Variants in PABIR3 observed in about 807,000 individuals in gnomAD.
PABIR3 encodes the protein PABIR family member 3.
In PABIR3, 20 loss-of-function variants were observed where a neutral mutation model predicts 23.1. The observed-to-expected ratio is 0.86, with a 90% CI of 0.61 to 1.26. The LOEUF (loss-of-function observed/expected upper bound fraction) is 1.26. Among genes scored for constraint, PABIR3 ranks in the 50% most tolerant of loss-of-function variants. PABIR3 has a pLI of 0.00. For missense variants in PABIR3, 189 were observed against 195.4 expected (o/e 0.97, Z 0.20); for synonymous variants, 69 against 68.5 (o/e 1.01, Z -0.04).
intron 3 of PABIR3, among the ~76,000 whole-genome samples, chrX:134,827,504 T>A (rs1200863388): frequency 9.0e-6 from 1 of 111,211 alleles, no homozygotes; most frequent in Admixed American, 9.7e-5. Flanking sequence ...CCATCCACCA[T>A]CAATGTGTTC....
At chrX:134,842,468 C>T (rs1489674797) in intron 4 of PABIR3, among the ~76,000 whole-genome samples, 3 of 110,410 alleles carry the variant, frequency 2.7e-5, no homozygotes, top group Admixed American at 9.7e-5. Context: ...ATTAGCTGGG[C>T]GTGGTGGTGG....
At chrX:134,800,044 G>T (rs1423137681) in intron 1 of PABIR3, 1 of 109,696 alleles carries the variant, frequency 9.1e-6, no homozygotes, top group East Asian at 2.9e-4. Context: ...TGTAATTCCA[G>T]CACTTTGGGA....
intron 6 of PABIR3, 114 bp downstream of exon 6, chrX:134,845,515 A>G (rs1417318373): frequency 1.6e-6 from 1 of 634,578 alleles, no homozygotes; most frequent in Admixed American, 3.6e-5. Flanking sequence ...TTTTGAAACA[A>G]AAATTGTATC....
At chrX:134,843,086 G>C (rs966613591) in intron 4 of PABIR3, among the ~76,000 whole-genome samples, 3 of 109,389 alleles carry the variant, frequency 2.7e-5, no homozygotes, top group Non-Finnish European at 5.7e-5. Flanking sequence ...TGTAATCCAA[G>C]CTACTCAGGA....
At chrX:134,846,259 A>G (rs894589132) in intron 6 of PABIR3, among the ~76,000 whole-genome samples, 2 of 111,969 alleles carry the variant, frequency 1.8e-5, no homozygotes, top group Non-Finnish European at 3.8e-5. Context: ...ACCTCCCACC[A>G]GGTTCCTTCC....
At chrX:134,821,598 A>T in intron 3 of PABIR3, 1 of 1,138,330 alleles carries the variant, frequency 8.8e-7, no homozygotes, top group South Asian at 1.9e-5. Context: ...TTCTTGAGCA[A>T]TTCATCTGTT....
intron 3 of PABIR3, among the ~76,000 whole-genome samples, chrX:134,816,856 T>C (rs1288171525): frequency 8.9e-6 from 1 of 112,060 alleles, no homozygotes; most frequent in Non-Finnish European, 1.9e-5. Context: ...TTTAGTGAAA[T>C]GTTATAGCTT....
chrX:134,825,748 C>T (rs943186300), intron 3 of PABIR3, among the ~76,000 whole-genome samples: 6 of 109,618 alleles, frequency 5.5e-5, no homozygotes, highest in Non-Finnish European at 7.6e-5. Flanking sequence ...CTGCAACCTC[C>T]GCCTCCCAGG....
intron 3 of PABIR3, 37 bp downstream of exon 3, chrX:134,814,886 C>G: frequency 9.6e-7 from 1 of 1,038,580 alleles, no homozygotes; most frequent in Non-Finnish European, 1.3e-6. Context: ...CTGTCTAAGA[C>G]TTGTGCTTAT....
chrX:134,797,163 C>T, intron 1 of PABIR3: 1 of 114,051 alleles, frequency 8.8e-6, no homozygotes, highest in Non-Finnish European at 1.9e-5. Flanking sequence ...GCGGGAACCT[C>T]CGCTGGGCCA....
At chrX:134,808,279 T>C in intron 2 of PABIR3, 1 of 293,533 alleles carries the variant, frequency 3.4e-6, no homozygotes. Context: ...AACCTCCGCC[T>C]CCTGGCTTCA....
At chrX:134,822,668 A>G (rs919899124) in intron 3 of PABIR3, 1 of 740,158 alleles carries the variant, frequency 1.4e-6, no homozygotes, top group Non-Finnish European at 1.6e-6. Flanking sequence ...TCATTATTTT[A>G]TGAAGGAAAT....
upstream of PABIR3, among the ~76,000 whole-genome samples, chrX:134,806,778 CTT>C (rs755771740): frequency 0.033 from 2,755 of 82,540 alleles, 124 homozygotes; most frequent in African/African-American, 0.11. Flanking sequence ...GTAGCAGTAT[CTT>C]TTTTTTTTTT....
At chrX:134,845,077 GATTT>G in intron 4 of PABIR3, 124 bp from the exon 5 acceptor site, 4 of 546,183 alleles carry the variant, frequency 7.3e-6, no homozygotes, top group Non-Finnish European at 1.2e-5. Context: ...CTTGTTTAGA[GATTT>G]ATTTATTCTC....
chrX:134,854,967 C>T (rs1040141426), downstream of PABIR3: 1 of 111,831 alleles, frequency 8.9e-6, no homozygotes, highest in African/African-American at 3.2e-5. Context: ...TTTTATTCAT[C>T]ATCATGACTA....
In PABIR3 at chrX:134,810,020, T is replaced by C. The variant is rs7059630; in HGVS notation, c.110+2312T>C. The C allele has an allele frequency of 0.021, 15,592 of 752,572 alleles. 1,768 individuals carry two copies. The African/African-American group carries it at 0.33, about 16-fold the overall frequency. The allele number at this position is 752,572 out of a possible 1,213,427, so 62.0% of individuals were successfully genotyped here. Reference sequence around the variant, plus strand: ...TATTCACTCAGGATTTTGCTCTAATTCTGTTGTGGGAAAAAGGAATTATGG... The same window carrying C: ...TATTCACTCAGGATTTTGCTCTAATCCTGTTGTGGGAAAAAGGAATTATGG... On this transcript the variant is annotated intron_variant, in intron 2 of 10. Coordinates refer to ENST00000645433, the MANE Select transcript of PABIR3 (RefSeq NM_001388447.1).
chrX:134,816,226 C>T (rs1206712291), intron 3 of PABIR3, among the ~76,000 whole-genome samples: 1 of 112,447 alleles, frequency 8.9e-6, no homozygotes, highest in Non-Finnish European at 1.9e-5. Flanking sequence ...GTAATGCTGG[C>T]GTCATAGAAT....
chrX:134,862,142 G>GTTTTTTTTT, the PABIR3 span, among the ~76,000 whole-genome samples: 5 of 47,904 alleles, frequency 1.0e-4, no homozygotes, highest in African/African-American at 2.8e-4. Context: ...TTTATTGGCT[G>GTTTTTTTTT]TTTTTTTTTT....
At chrX:134,863,609 T>C in the PABIR3 span, among the ~76,000 whole-genome samples, 3 of 111,503 alleles carry the variant, frequency 2.7e-5, no homozygotes, top group African/African-American at 9.8e-5. Flanking sequence ...TCAAGCTGCA[T>C]GCAGATTGAT....
Sources: gnomAD v4.1 joint callset for allele counts (sites outside exome capture counted in the v4.1 genomes callset) on GRCh38, gnomAD v4.1.1 for gene constraint, MANE v1.5 for transcripts, NCBI Gene and HGNC (gene_info 2026-07-23, HGNC 2026-07-21) for gene names.